The following RNLS variants were observed in gnomAD, a reference collection of about 807,000 sequenced individuals.
The protein encoded by RNLS is renalase.
Under a neutral mutation model 39.8 loss-of-function variants are expected in RNLS, and 39 were observed. That is an observed-to-expected ratio of 0.98 (90% CI 0.76 to 1.28). The LOEUF (loss-of-function observed/expected upper bound fraction) is 1.28, where lower values mean the gene tolerates loss of function less well. RNLS is among the 50% of genes most tolerant of loss of function. The pLI is 0.00. For synonymous variants in RNLS, 147 were observed against 150.7 expected (o/e 0.98, Z 0.18); for missense variants, 410 against 413.3 (o/e 0.99, Z 0.07).
At chr10:88,225,261 A>T in the RNLS span, among the ~76,000 whole-genome samples, 1 of 152,244 alleles carries the variant, frequency 6.6e-6, no homozygotes, top group Non-Finnish European at 1.5e-5. Flanking sequence ...TACGCTTTAG[A>T]TTCTAAGGGG....
chr10:88,457,863 C>T (rs774348199), intron 4 of RNLS, among the ~76,000 whole-genome samples: 5 of 152,260 alleles, frequency 3.3e-5, no homozygotes, highest in East Asian at 1.9e-4. Flanking sequence ...CTAGATTTGA[C>T]GTCACAGACA....
At chr10:88,533,818 C>A (rs1365941812) in intron 4 of RNLS, among the ~76,000 whole-genome samples, 1 of 152,050 alleles carries the variant, frequency 6.6e-6, no homozygotes, top group Non-Finnish European at 1.5e-5. Flanking sequence ...TAGAATCCCA[C>A]AAATAGTCTA....
At chr10:88,449,570 C>A (rs906301586) in intron 4 of RNLS, among the ~76,000 whole-genome samples, 2 of 152,126 alleles carry the variant, frequency 1.3e-5, no homozygotes, top group African/African-American at 4.8e-5. Context: ...AGGGCAAGGA[C>A]TCTCATTTGT....
intron 5 of RNLS, among the ~76,000 whole-genome samples, chr10:88,355,423 C>T (rs1849080123): frequency 6.6e-6 from 1 of 152,160 alleles, no homozygotes; most frequent in Admixed American, 6.5e-5. Flanking sequence ...TGTTAGTTTT[C>T]CTTCTAACAG....
intron 5 of RNLS, among the ~76,000 whole-genome samples, chr10:88,321,728 C>T (rs906712429): frequency 4.0e-5 from 6 of 151,882 alleles, no homozygotes; most frequent in African/African-American, 1.5e-4. Flanking sequence ...AAACACACAA[C>T]TTCACAAGAT....
At chr10:88,576,128 G>A (rs1416061257) in intron 3 of RNLS, among the ~76,000 whole-genome samples, 1 of 152,134 alleles carries the variant, frequency 6.6e-6, no homozygotes, top group Non-Finnish European at 1.5e-5. Context: ...TACTGGGCTA[G>A]GTCCTTTTAT....
intron 4 of RNLS, among the ~76,000 whole-genome samples, chr10:88,559,213 G>T (rs552451654): frequency 1.3e-5 from 2 of 152,168 alleles, no homozygotes; most frequent in African/African-American, 4.8e-5. Context: ...AATAAATTTT[G>T]CATCTTTGTA....
intron 4 of RNLS, among the ~76,000 whole-genome samples, chr10:88,414,642 T>C (rs796117716): frequency 2.0e-5 from 3 of 152,312 alleles, no homozygotes; most frequent in African/African-American, 7.2e-5. Flanking sequence ...ACTGGCAACC[T>C]TTTGGAGCTT....
chr10:88,401,699 C>T (rs1196003093), intron 4 of RNLS, among the ~76,000 whole-genome samples: 1 of 151,930 alleles, frequency 6.6e-6, no homozygotes. Flanking sequence ...TGGGCAGATA[C>T]AGTATAGATG....
chr10:88,390,717 G>A (rs1252146923), intron 4 of RNLS, among the ~76,000 whole-genome samples: 1 of 152,096 alleles, frequency 6.6e-6, no homozygotes, highest in African/African-American at 2.4e-5. Context: ...AGTTTATGAG[G>A]GCCATTTTTC....
chr10:88,442,394 A>T (rs1475903731), intron 4 of RNLS, among the ~76,000 whole-genome samples: 1 of 152,204 alleles, frequency 6.6e-6, no homozygotes, highest in Non-Finnish European at 1.5e-5. Flanking sequence ...AACTTGGTTA[A>T]TTCAGAATAT....
the RNLS span, among the ~76,000 whole-genome samples, chr10:88,172,460 G>C: frequency 1.3e-5 from 2 of 151,960 alleles, no homozygotes; most frequent in South Asian, 4.1e-4. Flanking sequence ...ATACTTGTTG[G>C]CAATTTGTAT....
At chr10:88,461,808 A>G (rs1416829093) in intron 4 of RNLS, among the ~76,000 whole-genome samples, 1 of 152,136 alleles carries the variant, frequency 6.6e-6, no homozygotes, top group East Asian at 1.9e-4. Context: ...ATGAAGCCCA[A>G]AGAAAGATAA....
chr10:88,564,450 G>T (rs1278573065), intron 4 of RNLS, among the ~76,000 whole-genome samples: 2 of 152,132 alleles, frequency 1.3e-5, no homozygotes, highest in African/African-American at 4.8e-5. Flanking sequence ...GGGTGGAGAT[G>T]AGTGCTATAA....
intron 6 of RNLS, among the ~76,000 whole-genome samples, chr10:88,297,179 A>C (rs576686003): frequency 2.0e-4 from 30 of 152,268 alleles, no homozygotes; most frequent in African/African-American, 7.0e-4. Context: ...TTGCTGGGTC[A>C]CGTGGTAAGT....
At chr10:88,287,540 A>G (rs886066085) in intron 6 of RNLS, among the ~76,000 whole-genome samples, 1 of 152,176 alleles carries the variant, frequency 6.6e-6, no homozygotes, top group Admixed American at 6.6e-5. Context: ...GATAACCAAT[A>G]GTCTAATAGC....
intron 4 of RNLS, among the ~76,000 whole-genome samples, chr10:88,507,529 T>C (rs1019598226): frequency 1.3e-5 from 2 of 152,112 alleles, no homozygotes. Flanking sequence ...TTAAAGCCCA[T>C]GATTTATGGC....
intron 6 of RNLS, among the ~76,000 whole-genome samples, chr10:88,288,661 G>C (rs548001257): frequency 6.6e-6 from 1 of 152,308 alleles, no homozygotes; most frequent in Admixed American, 6.5e-5. Context: ...CCAGTCATGA[G>C]GTGGTAATTT....
chr10:88,411,745 G>A (rs575488023), intron 4 of RNLS, among the ~76,000 whole-genome samples: 1 of 152,200 alleles, frequency 6.6e-6, no homozygotes, highest in South Asian at 2.1e-4. Flanking sequence ...AGATAATACT[G>A]AACCACTTCA....
Sources: allele counts gnomAD v4.1 joint callset (sites outside exome capture counted in the v4.1 genomes callset), GRCh38; gene constraint gnomAD v4.1.1; transcripts MANE v1.5; gene names NCBI Gene and HGNC (gene_info 2026-07-23, HGNC 2026-07-21).